Variants in SGSM3 observed in about 807,000 individuals in gnomAD.
The protein encoded by SGSM3 is small G protein signaling modulator 3.
Under a neutral mutation model 100.5 loss-of-function variants are expected in SGSM3, and 96 were observed. That is an observed-to-expected ratio of 0.96 (90% CI 0.81 to 1.13). SGSM3 has a LOEUF of 1.13. Ranked by LOEUF, SGSM3 falls within the 50% of genes most tolerant of loss-of-function variation. SGSM3 has a pLI of 0.00. For missense variants in SGSM3, 1,001 were observed against 1,015.8 expected, an observed-to-expected ratio of 0.99 and a Z score of 0.20; for synonymous variants, 483 against 422.8, an observed-to-expected ratio of 1.14 and a Z score of -1.75.
At chr22:40,384,210 C>T (rs922135532) in intron 1 of SGSM3, among the ~76,000 whole-genome samples, 1 of 151,900 alleles carries the variant, frequency 6.6e-6, no homozygotes, top group Non-Finnish European at 1.5e-5. Flanking sequence ...CACCACTGCA[C>T]TCAATTTGGG....
chr22:40,393,707 T>G (rs1233288341), intron 1 of SGSM3, among the ~76,000 whole-genome samples: 1 of 152,210 alleles, frequency 6.6e-6, no homozygotes, highest in Non-Finnish European at 1.5e-5. Context: ...TTTCTCACAG[T>G]TTGGGAGGCT....
intron 10 of SGSM3, 47 bp from the exon 11 acceptor site, chr22:40,406,970 C>T (rs1020807401): frequency 1.9e-5 from 29 of 1,546,334 alleles, no homozygotes; most frequent in African/African-American, 4.1e-5. Context: ...GGTGGGTTCT[C>T]TTCCTCCCGG....
chr22:40,408,534 C>T, intron 16 of SGSM3, 93 bp from the exon 17 acceptor site: 1 of 1,587,652 alleles, frequency 6.3e-7, no homozygotes, highest in Non-Finnish European at 8.6e-7. Flanking sequence ...ATGGGAAGAG[C>T]TGGCAGCGTG....
intron 6 of SGSM3, 78 bp downstream of exon 6, chr22:40,404,742 TTA>T (rs2051223288): frequency 9.8e-7 from 1 of 1,015,824 alleles, no homozygotes; most frequent in African/African-American, 1.6e-5. Context: ...CCTGGGGTTC[TTA>T]GAGTGTGCCC....
chr22:40,372,122 C>CTTTTT (rs58396730), intron 1 of SGSM3, among the ~76,000 whole-genome samples: 4 of 65,202 alleles, frequency 6.1e-5, no homozygotes, highest in Non-Finnish European at 1.1e-4. Context: ...TCCCCCCCCC[C>CTTTTT]TTTTTTTTTT....
At chr22:40,375,855 T>C (rs1037711411) in intron 1 of SGSM3, among the ~76,000 whole-genome samples, 2 of 151,916 alleles carry the variant, frequency 1.3e-5, no homozygotes, top group Non-Finnish European at 2.9e-5. Flanking sequence ...CTGGGCAACA[T>C]GGTGAGACCC....
chr22:40,409,616 T>C (rs1199271351), intron 21 of SGSM3, 66 bp from the exon 22 acceptor site: 16 of 1,613,306 alleles, frequency 9.9e-6, no homozygotes, highest in Non-Finnish European at 1.4e-5. Context: ...AGTGCTGGTG[T>C]CAGCGGTTAG....
At chr22:40,370,798 C>G (rs913232210) in intron 1 of SGSM3, 110 bp downstream of exon 1, 1 of 152,212 alleles carries the variant, frequency 6.6e-6, no homozygotes, top group African/African-American at 2.4e-5. Context: ...GTCGTATGGG[C>G]CGAAGGCGCC....
rs527703286 is a variant in SGSM3 at position 40,372,005 on chromosome 22, A to G, written c.-112+1317A>G. Among the ~76,000 whole-genome samples the G allele has an allele frequency of 5.3e-5, 8 of 150,352 alleles. No homozygotes were observed. The South Asian group carries it at 1.7e-3, about 32-fold the overall frequency. ...GTGAGCCACTGCGCCAGGCCCGATT[A>G]ATTTGTAATTCTATAGATATCTTTC... On this transcript the variant is annotated intron_variant, in intron 1 of 21. Coordinates refer to ENST00000248929, the MANE Select transcript of SGSM3 (RefSeq NM_015705.6).
At chr22:40,395,219 G>A (rs534492774) in intron 1 of SGSM3, among the ~76,000 whole-genome samples, 4 of 151,864 alleles carry the variant, frequency 2.6e-5, no homozygotes, top group South Asian at 2.1e-4. Context: ...CCAAATTGAC[G>A]TTTCTACCTC....
intron 15 of SGSM3, 25 bp downstream of exon 15, chr22:40,408,145 A>G: frequency 2.5e-6 from 4 of 1,611,708 alleles, no homozygotes; most frequent in Non-Finnish European, 2.5e-6. Flanking sequence ...CGGGCTAGGC[A>G]CGGCTGGCAC....
rs530344563 is a variant in SGSM3, at chr22:40,407,859, T to G, written c.1579+16T>G. The G allele has an allele frequency of 6.2e-7, 1 of 1,605,310 alleles. No homozygotes were observed. The highest frequency in any genetic ancestry group is 1.7e-5 in the Admixed American group (1 of 59,342). On this transcript the variant is annotated intron_variant, in intron 14 of 21. Transcript: ENST00000248929. The surrounding 1 kb of genome is among the most constrained non-coding windows in gnomAD (Gnocchi z 4.7). ...GGCCTGCGAGGTGGGGTCCTTGGTC[T>G]GCTCTTGAGCTGGGAGAGGGAGGAG...
chr22:40,398,719 TTAACAA>T (rs1250773419), intron 1 of SGSM3, among the ~76,000 whole-genome samples: 1 of 141,186 alleles, frequency 7.1e-6, no homozygotes, highest in Non-Finnish European at 1.5e-5. Flanking sequence ...GGTCCATATA[TTAACAA>T]TAACTTTCTA....
chr22:40,407,480 G>A lies in SGSM3; in HGVS notation c.1436G>A (p.Arg479His), dbSNP rs530400400. ...CACGAGAACTACGTGGCGTGCTCAC[G>A]CAGCCACCGGCGCCGAGCCAAGGCC... ...RDHENYVACS[R>H]SHRRRAKALL... Residue 479 changes from arginine to histidine, a missense_variant, in exon 13 of 22, where the codon CGC becomes CAC. By Grantham distance (29) the Arg-to-His change is conservative. Coordinates refer to ENST00000248929, the MANE Select transcript of SGSM3 (RefSeq NM_015705.6). The surrounding 1 kb of genome is among the most constrained non-coding windows in gnomAD (Gnocchi z 4.7). The A allele has an allele frequency of 1.9e-5, 30 of 1,611,554 alleles. No homozygotes were observed. The highest frequency in any genetic ancestry group is 5.3e-5 in the African/African-American group (4 of 75,070).
At chr22:40,376,746 G>C (rs2046690527) in intron 1 of SGSM3, among the ~76,000 whole-genome samples, 1 of 152,060 alleles carries the variant, frequency 6.6e-6, no homozygotes, top group Non-Finnish European at 1.5e-5. Context: ...TCTGACTCTA[G>C]AGTTTATGCT....
intron 1 of SGSM3, among the ~76,000 whole-genome samples, chr22:40,399,920 G>A (rs984793506): frequency 1.6e-4 from 25 of 152,220 alleles, no homozygotes; most frequent in Non-Finnish European, 4.4e-5. Flanking sequence ...GTGTGTCTGG[G>A]GCAGGAGCAG....
intron 1 of SGSM3, among the ~76,000 whole-genome samples, chr22:40,393,212 A>G (rs6001898): frequency 0.21 from 32,123 of 152,104 alleles, 3,860 homozygotes; most frequent in Admixed American, 0.37. Flanking sequence ...CGCCTCCCAG[A>G]TTCAAGCAAT....
intron 1 of SGSM3, among the ~76,000 whole-genome samples, chr22:40,395,968 G>A (rs9611328): frequency 0.19 from 28,306 of 152,136 alleles, 3,194 homozygotes; most frequent in Admixed American, 0.37. Context: ...TTGGAGCCAC[G>A]TACATTTTAG....
intron 1 of SGSM3, chr22:40,387,247 C>A (rs2048623694): frequency 2.5e-6 from 1 of 398,536 alleles, no homozygotes; most frequent in South Asian, 1.3e-4. Flanking sequence ...CGTCTACTCA[C>A]TGCCACAGAG....
Sources: allele counts gnomAD v4.1 joint callset (sites outside exome capture counted in the v4.1 genomes callset), GRCh38; gene constraint gnomAD v4.1.1; non-coding constraint Gnocchi (gnomAD v3.1); transcripts MANE v1.5; gene names NCBI Gene and HGNC (gene_info 2026-07-23, HGNC 2026-07-21).